Variants in PLEKHG6 observed in about 807,000 individuals in gnomAD.
The protein encoded by PLEKHG6 is pleckstrin homology domain-containing family G member 6.
A neutral mutation model predicts 97.5 loss-of-function variants in PLEKHG6; 91 were observed. The observed-to-expected ratio is 0.93, with a 90% CI of 0.79 to 1.11. PLEKHG6 has a LOEUF of 1.11. PLEKHG6 is among the 50% of genes most tolerant of loss of function. PLEKHG6 has a pLI of 0.00. For synonymous variants in PLEKHG6, 466 were observed against 425.5 expected (o/e 1.10, Z -1.17); for missense variants, 1,044 against 1,031.0 (o/e 1.01, Z -0.17).
chr12:6,327,719 A>G lies in PLEKHG6; in HGVS notation c.2136A>G (p.Ser712=), dbSNP rs949990209. The G allele has an allele frequency of 7.7e-6, 12 of 1,556,414 alleles. No individual in the cohort carries two copies. Among genetic ancestry groups the G allele is most frequent in the Non-Finnish European group, 1.0e-5 (12 of 1,154,152 alleles). The change falls in exon 15 of 16, where the codon TCA becomes TCG. Residue 712 remains serine (S), a synonymous_variant. Transcript: ENST00000684764. ...DSAGESPWES[S]GEEEEEGPLF... Reference sequence around the variant, plus strand: ...CCGGGGAAAGCCCCTGGGAGTCCTCAGGGGAGGAGGAAGAAGAGGGGCCTC... The same window carrying G: ...CCGGGGAAAGCCCCTGGGAGTCCTCGGGGGAGGAGGAAGAAGAGGGGCCTC...
At chr12:6,325,457 A>C (rs984538963) in intron 13 of PLEKHG6, among the ~76,000 whole-genome samples, 2 of 152,344 alleles carry the variant, frequency 1.3e-5, no homozygotes, top group African/African-American at 4.8e-5. Flanking sequence ...ATTTTTTCTC[A>C]GGTGGCGCTA....
rs371112118 is a variant in PLEKHG6, at chr12:6,327,853, C to A, written c.2270C>A (p.Pro757His). 2.7e-6 allele frequency: 4 copies of A among 1,505,076 alleles called. No individual in the cohort carries two copies. The African/African-American group carries it at 4.2e-5, about 16-fold the overall frequency. 93.2% of individuals were successfully genotyped at this position (1,505,076 alleles called of 1,614,324 possible). ...CAAAGGATTGAGGGGGCCGAGGAGC[C>A]CCGGGACAGCAGGCCACGGAAGCTG... ...ASQRIEGAEEPRDSRPRKLTR... is the reference protein window; with the variant it reads ...ASQRIEGAEEHRDSRPRKLTR... The change falls in exon 15 of 16, where the codon CCC (proline) becomes CAC (histidine). Residue 757 changes from proline to histidine, a missense_variant. Physicochemically the swap from Pro to His is moderately conservative, Grantham distance 77. Transcript: ENST00000684764.
At position 6,315,043 on chromosome 12, in the gene PLEKHG6, C is replaced by T; in HGVS notation, c.333C>T (p.His111=). 1 of 1,613,958 alleles carries T rather than the reference C, an allele frequency of 6.2e-7. No homozygotes were observed. The highest frequency in any genetic ancestry group is 1.7e-5 in the Admixed American group (1 of 60,024). Residue 111 remains histidine (H), a synonymous_variant, in exon 4 of 16, where the codon CAC becomes CAT. Coordinates refer to ENST00000684764, the MANE Select transcript of PLEKHG6 (RefSeq NM_001384598.1). The surrounding 1 kb of genome is among the most constrained non-coding windows in gnomAD (Gnocchi z 4.5). ...CCCATGAGCTGGAGGTGAGGCTGCA[C>T]ACTTTCAGCATGTTTGGGATGCCCC... ...TKAHELEVRL[H]TFSMFGMPRL...
At position 6,328,269 on chromosome 12, in the gene PLEKHG6, AG is replaced by A; in HGVS notation, c.*126del. The A allele has an allele frequency of 3.2e-6, 3 of 942,196 alleles. No individual in the cohort carries two copies. The allele number at this position is 942,196 out of a possible 1,614,324, so 58.4% of individuals were successfully genotyped here. A position where few individuals can be genotyped will look rare whatever the true frequency, so the allele number is the denominator to read the frequency against. On this transcript the variant is annotated 3_prime_UTR_variant, in exon 16 of 16. Coordinates refer to ENST00000684764, the MANE Select transcript of PLEKHG6 (RefSeq NM_001384598.1). Reference sequence around the variant, plus strand: ...ACATTTCCCAAAGGAAGCCTGGCCCAGGCACCCTGCCTCCTGCTCTGTTTGG... The same window carrying A: ...ACATTTCCCAAAGGAAGCCTGGCCCAGCACCCTGCCTCCTGCTCTGTTTGG...
chr12:6,316,300 A>G lies in PLEKHG6; in HGVS notation c.652A>G (p.Thr218Ala). The G allele has an allele frequency of 3.9e-6, 6 of 1,555,684 alleles. No individual in the cohort carries two copies. Reference protein sequence around the residue: ...LFGNVPSLIRTHRSFWDEVLG... With the variant: ...LFGNVPSLIRAHRSFWDEVLG... ...TGGAAATGTCCCCAGCCTGATTCGA[A>G]CCCACCGGAGCTTTTGGGATGAGGT... Residue 218 changes from threonine (T) to alanine (A), a missense_variant, in exon 7 of 16, where the codon ACC becomes GCC. Coordinates refer to ENST00000684764, the MANE Select transcript of PLEKHG6 (RefSeq NM_001384598.1). This position sits in a 1 kb window ranked among gnomAD's most constrained non-coding sequence, Gnocchi z 4.1.
chr12:6,326,019 A>C (rs529576625), intron 13 of PLEKHG6, among the ~76,000 whole-genome samples: 23 of 152,316 alleles, frequency 1.5e-4, no homozygotes, highest in Middle Eastern at 6.8e-3. Context: ...TAAATAAGGT[A>C]ATGTAGGCCG....
At chr12:6,328,071 AC>A in intron 15 of PLEKHG6, 64 bp from the exon 16 acceptor site, 1 of 1,607,048 alleles carries the variant, frequency 6.2e-7, no homozygotes, top group Non-Finnish European at 8.5e-7. Flanking sequence ...TCTCCGCCTC[AC>A]TCTTCACCTG....
At chr12:6,326,608 CAGG>C (rs765273057) in intron 14 of PLEKHG6, 35 bp downstream of exon 14, 2 of 1,424,402 alleles carry the variant, frequency 1.4e-6, no homozygotes, top group East Asian at 2.7e-5. Flanking sequence ...TCTCCCCGAG[CAGG>C]AGGAGGGAGC....
rs766764139 is a variant in PLEKHG6, at chr12:6,316,334, C to T, written c.686C>T (p.Pro229Leu). 1.8e-5 allele frequency: 28 copies of T among 1,561,838 alleles called. No homozygotes were observed. The South Asian group carries it at 3.1e-4, about 17-fold the overall frequency. Residue 229 changes from proline (P) to leucine (L), a missense_variant, in exon 7 of 16, where the codon CCC (proline) becomes CTC (leucine). Pro to Leu is a moderately conservative substitution (Grantham distance 98). Coordinates refer to ENST00000684764, the MANE Select transcript of PLEKHG6 (RefSeq NM_001384598.1). This position sits in a 1 kb window ranked among gnomAD's most constrained non-coding sequence, Gnocchi z 4.1. ...AGCTTTTGGGATGAGGTGCTGGGGCCCACCCTGGAGGAGACTCGGGCCTCG... is the reference window on the plus strand; with the variant it reads ...AGCTTTTGGGATGAGGTGCTGGGGCTCACCCTGGAGGAGACTCGGGCCTCG... ...HRSFWDEVLG[P>L]TLEETRASGQ...
intron 1 of PLEKHG6, 106 bp downstream of exon 1, chr12:6,310,954 G>GC (rs989661770): frequency 2.0e-5 from 3 of 152,416 alleles, no homozygotes; most frequent in African/African-American, 7.2e-5. Flanking sequence ...AAGGCGGGAG[G>GC]AGGGGAGCCG....
intron 3 of PLEKHG6, among the ~76,000 whole-genome samples, chr12:6,314,621 G>A (rs1456806675): frequency 1.3e-5 from 2 of 152,164 alleles, no homozygotes; most frequent in African/African-American, 4.8e-5. Context: ...TCTAAGTCTT[G>A]TTCTGATTCA....
In PLEKHG6 at chr12:6,314,993, C is replaced by A. The variant is rs1947404591; in HGVS notation, c.295-12C>A. On this transcript the variant is annotated splice_polypyrimidine_tract_variant and intron_variant, in intron 3 of 15. Transcript: ENST00000684764. ...ATGTGACCAGAGCTGATGCCCTTCT[C>A]GGCTCCCCCAGGAACTCACCAAGGC... 1 of 1,611,198 alleles carries A rather than the reference C, an allele frequency of 6.2e-7. No homozygotes were observed. The highest frequency in any genetic ancestry group is 1.7e-4 in the Middle Eastern group (1 of 5,816).
chr12:6,317,807 G>A (rs1249960140), intron 9 of PLEKHG6, 50 bp from the exon 10 acceptor site: 2 of 1,540,494 alleles, frequency 1.3e-6, no homozygotes, highest in Non-Finnish European at 1.8e-6. Flanking sequence ...GCATTGGTTG[G>A]GAGGGGACGG....
intron 3 of PLEKHG6, 59 bp from the exon 4 acceptor site, chr12:6,314,946 G>T: frequency 1.9e-6 from 3 of 1,541,240 alleles, no homozygotes; most frequent in Admixed American, 3.5e-5. Context: ...CCCTCCCGGG[G>T]CCCTGTGGCT....
Position 6,317,999 on chromosome 12 carries a change from G to A in PLEKHG6, c.1155+5G>A. The A allele has an allele frequency of 6.3e-7, 1 of 1,586,228 alleles. No homozygotes were observed. Among genetic ancestry groups the A allele is most frequent in the Non-Finnish European group, 8.6e-7 (1 of 1,165,740 alleles). ...CCCAGTGATGAGGTGGAGAAGGTGA[G>A]AGGGCAAAGGGAAGGGACCCAGGAA... On this transcript the variant is annotated splice_donor_5th_base_variant and intron_variant, in intron 10 of 15. Transcript: ENST00000684764.
chr12:6,317,663 C>T lies in PLEKHG6; in HGVS notation c.984C>T (p.Pro328=), dbSNP rs773776044. The change falls in exon 9 of 16, where the codon CCC becomes CCT. Residue 328 remains proline, a synonymous_variant. Transcript: ENST00000684764. The stretch of plus-strand genomic sequence containing the variant: ...TCCATGCTGTGCTCAAGAGGAGCCC[C>T]GAGGCACGAGCCCAAGAGGCCCTGA... ...LLLHAVLKRS[P]EARAQEALNA... is the part of the protein sequence containing the mutation. 1.6e-5 allele frequency: 26 copies of T among 1,613,764 alleles called. No individual in the cohort carries two copies. Among genetic ancestry groups the T allele is most frequent in the Middle Eastern group, 1.7e-4 (1 of 6,014 alleles).
Position 6,318,118 on chromosome 12 carries a change from G to A in PLEKHG6, c.1155+124G>A, listed in dbSNP as rs532134782. 2.2e-3 allele frequency: 3,004 copies of A among 1,369,434 alleles called. 6 individuals carry two copies. The highest frequency in any genetic ancestry group is 2.7e-3 in the Non-Finnish European group (2,705 of 1,008,158). 84.8% of individuals were successfully genotyped at this position (1,369,434 alleles called of 1,614,324 possible). A position where few individuals can be genotyped will look rare whatever the true frequency, so the allele number is the denominator to read the frequency against. On this transcript the variant is annotated intron_variant, in intron 10 of 15. Coordinates refer to ENST00000684764, the MANE Select transcript of PLEKHG6 (RefSeq NM_001384598.1). ...ACAAGGGTGTCCATCATTCCTACCT[G>A]GTGGTGACAGTCCAAGGGGTACAGG... is the stretch of plus-strand genomic sequence containing the variant.
Position 6,315,166 on chromosome 12 carries a change from C to T in PLEKHG6, c.456C>T (p.His152=), listed in dbSNP as rs766879513. ...EKSWRELVPG[H]KEMSQELCHQ... ...CCTGGAGGGAGCTGGTGCCTGGGCA[C>T]AAGGTGAGCCTGAAACTCACAAGGT... The change falls in exon 4 of 16, where the codon CAC becomes CAT. Residue 152 remains histidine, a synonymous_variant. Coordinates refer to ENST00000684764, the MANE Select transcript of PLEKHG6 (RefSeq NM_001384598.1). This position sits in a 1 kb window ranked among gnomAD's most constrained non-coding sequence, Gnocchi z 4.5. 4.3e-6 allele frequency: 7 copies of T among 1,610,112 alleles called. No homozygotes were observed. Among genetic ancestry groups the T allele is most frequent in the Non-Finnish European group, 5.9e-6 (7 of 1,179,156 alleles).
At chr12:6,321,818 C>T (rs1172422478) in intron 13 of PLEKHG6, among the ~76,000 whole-genome samples, 1 of 28,590 alleles carries the variant, frequency 3.5e-5, no homozygotes, top group East Asian at 5.1e-4. Flanking sequence ...CAGAGCGAGA[C>T]TCTGTCTTAA....
Sources: gnomAD v4.1 joint callset for allele counts (sites outside exome capture counted in the v4.1 genomes callset) on GRCh38, gnomAD v4.1.1 for gene constraint, Gnocchi (gnomAD v3.1) non-coding constraint, MANE v1.5 for transcripts, NCBI Gene and HGNC (gene_info 2026-07-23, HGNC 2026-07-21) for gene names.